TMTC1: variants seen among roughly 807,000 people sequenced by gnomAD.
TMTC1 encodes the protein protein O-mannosyl-transferase TMTC1.
In TMTC1, 73 loss-of-function variants were observed where a neutral mutation model predicts 104.8. That is an observed-to-expected ratio of 0.70 (90% CI 0.58 to 0.85). The LOEUF (loss-of-function observed/expected upper bound fraction) is 0.85. Among genes scored for constraint, TMTC1 ranks in the 40% least tolerant of loss-of-function variants. The pLI, the probability that TMTC1 is intolerant of heterozygous loss-of-function variation, is 0.00. For synonymous variants in TMTC1, 434 were observed against 428.7 expected, an observed-to-expected ratio of 1.01 and a Z score of -0.15; for missense variants, 1,035 against 1,096.1, an observed-to-expected ratio of 0.94 and a Z score of 0.79.
intron 9 of TMTC1, 127 bp from the exon 10 acceptor site, chr12:29,557,127 G>A (rs1945266801): frequency 1.8e-6 from 2 of 1,084,384 alleles, no homozygotes; most frequent in Non-Finnish European, 2.6e-6. Flanking sequence ...GTACTTGAAT[G>A]GTTTGTGTCC....
intron 5 of TMTC1, among the ~76,000 whole-genome samples, chr12:29,660,424 G>A (rs982404663): frequency 6.6e-6 from 1 of 152,152 alleles, no homozygotes; most frequent in Admixed American, 6.5e-5. Flanking sequence ...AAAGCAGGTA[G>A]GGCAAATACA....
At chr12:29,688,803 T>C (rs1433592507) in intron 5 of TMTC1, among the ~76,000 whole-genome samples, 1 of 152,174 alleles carries the variant, frequency 6.6e-6, no homozygotes, top group East Asian at 1.9e-4. Context: ...ATAATAGTTA[T>C]ATTACAACCC....
intron 5 of TMTC1, among the ~76,000 whole-genome samples, chr12:29,646,458 G>A (rs1939271749): frequency 6.6e-6 from 1 of 152,110 alleles, no homozygotes; most frequent in Non-Finnish European, 1.5e-5. Context: ...GATTGTAATG[G>A]AAATACAATA....
At chr12:29,687,338 A>T (rs1272820558) in intron 5 of TMTC1, among the ~76,000 whole-genome samples, 1 of 152,070 alleles carries the variant, frequency 6.6e-6, no homozygotes, top group Admixed American at 6.5e-5. Context: ...TGCATAACCC[A>T]AATACAATCA....
At chr12:29,730,326 G>C (rs1477364587) in intron 5 of TMTC1, among the ~76,000 whole-genome samples, 3 of 152,178 alleles carry the variant, frequency 2.0e-5, no homozygotes, top group East Asian at 3.8e-4. Flanking sequence ...TTTTTTAAAA[G>C]ATGAATTTCC....
chr12:29,550,689 T>C (rs2136239818), intron 10 of TMTC1, among the ~76,000 whole-genome samples: 1 of 152,192 alleles, frequency 6.6e-6, no homozygotes, highest in East Asian at 1.9e-4. Context: ...TGGGGGGCCC[T>C]GAAGGGACAG....
intron 6 of TMTC1, among the ~76,000 whole-genome samples, chr12:29,623,905 T>A (rs937276063): frequency 2.0e-5 from 3 of 152,130 alleles, no homozygotes; most frequent in African/African-American, 7.2e-5. Flanking sequence ...TCTAAAGCTG[T>A]CCTTTTCCTT....
intron 5 of TMTC1, among the ~76,000 whole-genome samples, chr12:29,644,299 G>A (rs902838596): frequency 3.3e-5 from 5 of 151,190 alleles, no homozygotes; most frequent in African/African-American, 4.9e-5. Flanking sequence ...ACCGATATGC[G>A]GGAGCTAAGC....
chr12:29,563,583 G>T, intron 9 of TMTC1, among the ~76,000 whole-genome samples: 1 of 152,140 alleles, frequency 6.6e-6, no homozygotes, highest in Non-Finnish European at 1.5e-5. Context: ...ATCTTGCAAT[G>T]CACAGGACAG....
intron 1 of TMTC1, among the ~76,000 whole-genome samples, chr12:29,777,106 T>C (rs1943728046): frequency 8.0e-6 from 1 of 124,452 alleles, no homozygotes; most frequent in Non-Finnish European, 1.8e-5. Context: ...TCTCTCTTTT[T>C]ATTTTTTTTA....
intron 5 of TMTC1, among the ~76,000 whole-genome samples, chr12:29,651,498 G>T (rs1433908443): frequency 6.6e-6 from 1 of 152,074 alleles, no homozygotes; most frequent in Admixed American, 6.6e-5. Flanking sequence ...AATATAAGAA[G>T]TTAGGGCCCC....
intron 9 of TMTC1, among the ~76,000 whole-genome samples, chr12:29,565,682 A>G (rs1188362851): frequency 6.6e-6 from 1 of 152,132 alleles, no homozygotes. Context: ...CCCCGCCTCT[A>G]CTAAAAATTC....
chr12:29,649,492 G>T (rs1939420662), intron 5 of TMTC1, among the ~76,000 whole-genome samples: 1 of 152,166 alleles, frequency 6.6e-6, no homozygotes, highest in Admixed American at 6.5e-5. Context: ...GGTGGGTCCA[G>T]GAAGAGAGGG....
intron 14 of TMTC1, 42 bp downstream of exon 14, chr12:29,517,385 T>C (rs751495146): frequency 6.2e-7 from 1 of 1,611,662 alleles, no homozygotes; most frequent in East Asian, 2.2e-5. Flanking sequence ...TATGGCTGCC[T>C]GTGCTTAGGT....
intron 5 of TMTC1, among the ~76,000 whole-genome samples, chr12:29,634,619 A>G (rs1337761950): frequency 2.0e-5 from 3 of 152,184 alleles, no homozygotes; most frequent in South Asian, 2.1e-4. Context: ...GTGTTTGTCA[A>G]CTTATTTGGG....
chr12:29,774,214 T>C (rs1351824668), intron 1 of TMTC1, among the ~76,000 whole-genome samples: 1 of 152,116 alleles, frequency 6.6e-6, no homozygotes, highest in African/African-American at 2.4e-5. Flanking sequence ...GTAGCTACAA[T>C]TGTTGATTCT....
chr12:29,618,129 G>T (rs919630773), intron 6 of TMTC1, among the ~76,000 whole-genome samples: 12 of 152,078 alleles, frequency 7.9e-5, no homozygotes, highest in African/African-American at 2.9e-4. Flanking sequence ...AAATATGGTT[G>T]ACAGAATTCT....
At chr12:29,626,683 C>A (rs538388188) in intron 6 of TMTC1, among the ~76,000 whole-genome samples, 3 of 152,244 alleles carry the variant, frequency 2.0e-5, no homozygotes, top group African/African-American at 7.2e-5. Flanking sequence ...GCTAAAACCA[C>A]AAAACTCTTA....
intron 5 of TMTC1, chr12:29,666,230 T>C (rs1316161917): frequency 4.1e-6 from 1 of 246,786 alleles, no homozygotes; most frequent in East Asian, 1.3e-4. Flanking sequence ...TCTTTTTTCT[T>C]TTTTTTTTTT....
Sources: gnomAD v4.1 joint callset for allele counts (sites outside exome capture counted in the v4.1 genomes callset) on GRCh38, gnomAD v4.1.1 for gene constraint, MANE v1.5 for transcripts, NCBI Gene and HGNC (gene_info 2026-07-23, HGNC 2026-07-21) for gene names.